Variants in ADGRB3 observed in about 807,000 individuals in gnomAD.
The protein encoded by ADGRB3 is adhesion G protein-coupled receptor B3.
Under a neutral mutation model 193.4 loss-of-function variants are expected in ADGRB3, and 37 were observed. The observed-to-expected ratio is 0.19, with a 90% CI of 0.15 to 0.25. The LOEUF is 0.25. ADGRB3 is among the 10% of genes least tolerant of loss of function. The pLI is 1.00. For missense variants in ADGRB3, 1,637 were observed against 1,852.9 expected (o/e 0.88, Z 2.14); for synonymous variants, 690 against 644.2 (o/e 1.07, Z -1.08).
At chr6:69,092,300 T>C (rs1772732743) in intron 17 of ADGRB3, among the ~76,000 whole-genome samples, 1 of 152,212 alleles carries the variant, frequency 6.6e-6, no homozygotes, top group South Asian at 2.1e-4. Flanking sequence ...ATTGTCTATT[T>C]TGGGGAAAGA....
intron 3 of ADGRB3, among the ~76,000 whole-genome samples, chr6:68,652,472 A>G (rs1768389476): frequency 6.6e-6 from 1 of 151,934 alleles, no homozygotes; most frequent in Non-Finnish European, 1.5e-5. Context: ...CAGGCACCAC[A>G]TTTCTCCATC....
intron 19 of ADGRB3, among the ~76,000 whole-genome samples, chr6:69,236,848 A>G (rs1330311968): frequency 1.3e-5 from 2 of 152,072 alleles, no homozygotes; most frequent in Admixed American, 6.6e-5. Flanking sequence ...TTTTCTAAGA[A>G]TTACCAAAAC....
chr6:69,376,082 CTTT>C (rs58780409), intron 30 of ADGRB3, among the ~76,000 whole-genome samples: 9 of 67,378 alleles, frequency 1.3e-4, no homozygotes, highest in Admixed American at 3.8e-4. Context: ...ATTATGTAGC[CTTT>C]TTTTTTTTTT....
chr6:69,128,938 G>A (rs1156284581), intron 17 of ADGRB3, among the ~76,000 whole-genome samples: 1 of 152,164 alleles, frequency 6.6e-6, no homozygotes, highest in East Asian at 1.9e-4. Context: ...TCTCATCTAA[G>A]TCTTCAGGCA....
intron 3 of ADGRB3, among the ~76,000 whole-genome samples, chr6:68,925,195 G>T (rs985143043): frequency 2.6e-5 from 4 of 151,838 alleles, no homozygotes; most frequent in Non-Finnish European, 5.9e-5. Flanking sequence ...TTTTAAATCT[G>T]ATAACATTTT....
At chr6:68,641,945 CAT>C (rs1426264626) in intron 3 of ADGRB3, among the ~76,000 whole-genome samples, 2 of 151,978 alleles carry the variant, frequency 1.3e-5, no homozygotes, top group Non-Finnish European at 2.9e-5. Flanking sequence ...TTAATCATTA[CAT>C]ATAGCTGTAC....
intron 3 of ADGRB3, among the ~76,000 whole-genome samples, chr6:68,884,741 ATGC>A (rs1411626158): frequency 1.3e-5 from 2 of 152,104 alleles, no homozygotes; most frequent in African/African-American, 2.4e-5. Context: ...AAAACATAAG[ATGC>A]TGAATGGGTG....
intron 3 of ADGRB3, among the ~76,000 whole-genome samples, chr6:68,694,241 AG>A (rs2127304225): frequency 6.6e-6 from 1 of 152,176 alleles, no homozygotes; most frequent in Non-Finnish European, 1.5e-5. Flanking sequence ...GCATGATGCC[AG>A]GGGCCTAGTG....
intron 20 of ADGRB3, among the ~76,000 whole-genome samples, chr6:69,261,260 C>T (rs1766921442): frequency 6.6e-6 from 1 of 152,102 alleles, no homozygotes; most frequent in Admixed American, 6.6e-5. Context: ...AGGTCTCAAG[C>T]TGTTAGAACT....
chr6:69,024,290 A>G (rs1047545985), intron 13 of ADGRB3, among the ~76,000 whole-genome samples: 3 of 152,180 alleles, frequency 2.0e-5, no homozygotes, highest in Non-Finnish European at 2.9e-5. Context: ...TCTACTTAAT[A>G]TCAACTGCTA....
chr6:68,833,190 A>G (rs1337100006), intron 3 of ADGRB3, among the ~76,000 whole-genome samples: 1 of 152,148 alleles, frequency 6.6e-6, no homozygotes, highest in African/African-American at 2.4e-5. Flanking sequence ...TTCATTTCAT[A>G]CATGTAACTG....
At chr6:68,846,433 GC>G (rs1161222297) in intron 3 of ADGRB3, among the ~76,000 whole-genome samples, 2 of 152,218 alleles carry the variant, frequency 1.3e-5, no homozygotes, top group African/African-American at 2.4e-5. Context: ...CTTCAAGGCA[GC>G]CCTTCCATCA....
chr6:69,149,891 T>C (rs1212871781), intron 17 of ADGRB3, among the ~76,000 whole-genome samples: 1 of 151,208 alleles, frequency 6.6e-6, no homozygotes, highest in Non-Finnish European at 1.5e-5. Context: ...CCAAACAGAG[T>C]CTCTCTCTTT....
At chr6:69,267,512 A>T (rs1767074097) in intron 20 of ADGRB3, among the ~76,000 whole-genome samples, 1 of 152,158 alleles carries the variant, frequency 6.6e-6, no homozygotes, top group Non-Finnish European at 1.5e-5. Flanking sequence ...TCTAACAAGT[A>T]AAAGATGCAG....
chr6:68,791,144 G>T (rs192459315), intron 3 of ADGRB3, among the ~76,000 whole-genome samples: 2 of 151,644 alleles, frequency 1.3e-5, no homozygotes, highest in African/African-American at 4.9e-5. Flanking sequence ...TACCTTCTGA[G>T]TTTCCTTAGC....
intron 11 of ADGRB3, among the ~76,000 whole-genome samples, chr6:69,007,152 A>G (rs1321292711): frequency 6.6e-6 from 1 of 152,128 alleles, no homozygotes; most frequent in African/African-American, 2.4e-5. Context: ...CTGGGCTAAG[A>G]ACGAAAGGCT....
intron 3 of ADGRB3, among the ~76,000 whole-genome samples, chr6:68,855,719 GATTAGTA>G (rs1373965963): frequency 6.6e-6 from 1 of 152,074 alleles, no homozygotes; most frequent in Admixed American, 6.6e-5. Context: ...GAATGTACTG[GATTAGTA>G]ATAATTCTAG....
chr6:68,820,847 G>A (rs569740852), intron 3 of ADGRB3, among the ~76,000 whole-genome samples: 2 of 152,126 alleles, frequency 1.3e-5, no homozygotes, highest in East Asian at 3.9e-4. Flanking sequence ...AGAATAGAAT[G>A]TTATAACAAA....
Position 68,675,809 on chromosome 6 carries a change from G to T in ADGRB3, c.757+36377G>T, listed in dbSNP as rs569095536. Among the ~76,000 whole-genome samples, 9 of 152,250 alleles carry T rather than the reference G, an allele frequency of 5.9e-5. No homozygotes were observed. The East Asian group carries it at 1.6e-3, about 26-fold the overall frequency. On this transcript the variant is annotated intron_variant, in intron 3 of 31. Transcript: ENST00000370598. Reference sequence around the variant, plus strand: ...ACTCTGCTTTTCTCATTTCTCCCTAGTGGCGAAGCTTCAGACAGGGTCTTC... The same window carrying T: ...ACTCTGCTTTTCTCATTTCTCCCTATTGGCGAAGCTTCAGACAGGGTCTTC...
Sources: gnomAD v4.1 joint callset for allele counts (sites outside exome capture counted in the v4.1 genomes callset) on GRCh38, gnomAD v4.1.1 for gene constraint, MANE v1.5 for transcripts, NCBI Gene and HGNC (gene_info 2026-07-23, HGNC 2026-07-21) for gene names.